Variants in SNX2 observed in about 807,000 individuals in gnomAD.
SNX2 encodes the protein sorting nexin 2, also known as sorting nexin-2.
SNX2 carries 25 observed loss-of-function variants against 69.9 expected under a neutral mutation model. The ratio of observed to expected loss-of-function variants is 0.36; its 90% confidence interval spans 0.26 to 0.50. SNX2 has a LOEUF of 0.50. SNX2 is among the 20% of genes least tolerant of loss of function. SNX2 has a pLI of 0.97. For synonymous variants in SNX2, 229 were observed against 200.4 expected, an observed-to-expected ratio of 1.14 and a Z score of -1.20; for missense variants, 551 against 613.3, an observed-to-expected ratio of 0.90 and a Z score of 1.07.
chr5:122,816,157 G>T (rs1753896827), intron 8 of SNX2, among the ~76,000 whole-genome samples, 186 bp downstream of exon 8: 1 of 152,066 alleles, frequency 6.6e-6, no homozygotes, highest in Non-Finnish European at 1.5e-5. Context: ...TTTGATACTT[G>T]TAGGGTGATT....
intron 14 of SNX2, chr5:122,827,940 T>C (rs944197762): frequency 1.1e-5 from 3 of 282,418 alleles, no homozygotes; most frequent in Non-Finnish European, 2.0e-5. Flanking sequence ...TTTGTTTTCC[T>C]TGTTGGTCAG....
At chr5:122,824,309 ATTC>A (rs766221964) in intron 11 of SNX2, among the ~76,000 whole-genome samples, 8 of 152,180 alleles carry the variant, frequency 5.3e-5, no homozygotes, top group South Asian at 2.1e-4. Context: ...GCCCAAGACA[ATTC>A]TTCTTCCATT....
In SNX2 at chr5:122,801,545, C is replaced by A. The variant is rs932123540; in HGVS notation, c.391-324C>A. On this transcript the variant is annotated intron_variant, in intron 3 of 14. Transcript: ENST00000379516. ...GCTTGAACCCAGGAGGTGGAGGTTG[C>A]AGTGAGCTGAGATTGAGCCACTGCA... Among the ~76,000 whole-genome samples the A allele has an allele frequency of 3.4e-5, 5 of 148,782 alleles. No homozygotes were observed. In the Admixed American group the frequency reaches 3.4e-4, roughly 10 times the overall value.
chr5:122,825,281 TTAG>T (rs1217955070), intron 11 of SNX2, among the ~76,000 whole-genome samples: 6 of 152,100 alleles, frequency 3.9e-5, no homozygotes, highest in African/African-American at 1.4e-4. Context: ...AAGAGGATTC[TTAG>T]TGGGTTCTCC....
rs769816300 is a variant in SNX2, at chr5:122,775,190, C to G, written c.87C>G (p.Thr29=). 1 of 1,588,724 alleles carries G rather than the reference C, an allele frequency of 6.3e-7. No homozygotes were observed. The highest frequency in any genetic ancestry group is 1.3e-5 in the African/African-American group (1 of 74,782). ...EDLEDGEDLF[T]STVSTLESSP... ...TGGAGGACGGAGAGGACCTGTTCAC[C>G]AGCACTGTCTCCACCCTAGAGGTGA... The change falls in exon 1 of 15, where the codon ACC becomes ACG. Residue 29 remains threonine, a synonymous_variant. Transcript: ENST00000379516.
chr5:122,780,631 G>A (rs1043719334), intron 1 of SNX2, among the ~76,000 whole-genome samples: 7 of 148,214 alleles, frequency 4.7e-5, no homozygotes, highest in South Asian at 2.1e-4. Context: ...GTGCAGTGGC[G>A]CAACCTCAGC....
At position 122,833,746 on chromosome 5, in the gene SNX2, T is replaced by C. The variant is rs184703712; in HGVS notation, c.*4098T>C. 4.6e-5 allele frequency: 7 copies of C among 152,312 alleles called. No individual in the cohort carries two copies. The East Asian group carries it at 1.3e-3, about 29-fold the overall frequency. 9.4% of individuals were successfully genotyped at this position (152,312 alleles called of 1,614,324 possible). On this transcript the variant is annotated 3_prime_UTR_variant, in exon 15 of 15. Transcript: ENST00000379516. ...ATACAATAAAGTTTTCCAAGTTTCA[T>C]TGTACACATGAAATGAGTTTACTGT...
chr5:122,784,460 A>G (rs1397619479), intron 1 of SNX2, among the ~76,000 whole-genome samples: 4 of 151,692 alleles, frequency 2.6e-5, no homozygotes, highest in Non-Finnish European at 5.9e-5. Context: ...TATGATAATC[A>G]TATAGTTTTC....
intron 11 of SNX2, among the ~76,000 whole-genome samples, chr5:122,819,944 T>G (rs896132919): frequency 7.9e-5 from 12 of 152,302 alleles, no homozygotes; most frequent in South Asian, 4.1e-4. Flanking sequence ...GAATGGTGCT[T>G]TCTTTTATTT....
At chr5:122,823,326 A>G (rs1284244749) in intron 11 of SNX2, among the ~76,000 whole-genome samples, 3 of 146,398 alleles carry the variant, frequency 2.0e-5, no homozygotes, top group African/African-American at 5.2e-5. Flanking sequence ...AAACGAAGAA[A>G]AAGTTAATTT....
chr5:122,779,908 C>T (rs554869600), intron 1 of SNX2, among the ~76,000 whole-genome samples: 3 of 152,076 alleles, frequency 2.0e-5, no homozygotes, highest in Admixed American at 2.0e-4. Context: ...TTACAGGCCC[C>T]AGTTTGTGTT....
intron 2 of SNX2, among the ~76,000 whole-genome samples, chr5:122,797,574 C>G (rs1228539749): frequency 6.6e-6 from 1 of 152,098 alleles, no homozygotes; most frequent in African/African-American, 2.4e-5. Flanking sequence ...TTCTAGGAAA[C>G]TATAATAGGG....
chr5:122,775,435 C>T (rs994620955), intron 1 of SNX2: 2 of 1,257,104 alleles, frequency 1.6e-6, no homozygotes, highest in Non-Finnish European at 2.0e-6. Context: ...CCGACCTAAT[C>T]CTCAGAGGGG....
intron 7 of SNX2, among the ~76,000 whole-genome samples, chr5:122,815,347 G>C (rs757672406): frequency 2.0e-4 from 30 of 152,144 alleles, no homozygotes; most frequent in Non-Finnish European, 3.8e-4. Flanking sequence ...GAGGTATGGG[G>C]AAAATACTGA....
rs562773054 is a variant in SNX2, at chr5:122,831,226, T to C, written c.*1578T>C. On this transcript the variant is annotated 3_prime_UTR_variant, in exon 15 of 15. Coordinates refer to ENST00000379516, the MANE Select transcript of SNX2 (RefSeq NM_003100.4). ...TAGCATGTGTTTGCTTCTGCTTTAG[T>C]TGAAATGTTAAGCCTTCTATAGGTG... 6.6e-6 allele frequency among the ~76,000 whole-genome samples: 1 copy of C among 152,290 alleles called. No homozygotes were observed. Among genetic ancestry groups the C allele is most frequent in the South Asian group, 2.1e-4 (1 of 4,830 alleles).
intron 1 of SNX2, among the ~76,000 whole-genome samples, chr5:122,785,477 G>T (rs1432540694): frequency 7.2e-6 from 1 of 138,030 alleles, no homozygotes; most frequent in Non-Finnish European, 1.6e-5. Flanking sequence ...TAAAGTAGAA[G>T]CTTGGATCAT....
At chr5:122,809,346 A>G (rs1379291798) in intron 7 of SNX2, among the ~76,000 whole-genome samples, 1 of 152,182 alleles carries the variant, frequency 6.6e-6, no homozygotes, top group Admixed American at 6.5e-5. Flanking sequence ...TTAAAGACTA[A>G]TATATATGCT....
At chr5:122,780,576 C>CTTTT (rs57210069) in intron 1 of SNX2, among the ~76,000 whole-genome samples, 1 of 116,932 alleles carries the variant, frequency 8.6e-6, no homozygotes, top group African/African-American at 4.4e-5. Context: ...CTTTTCTTTT[C>CTTTT]TTTTTTTTTT....
intron 9 of SNX2, 67 bp from the exon 10 acceptor site, chr5:122,817,213 T>C: frequency 2.8e-6 from 4 of 1,448,418 alleles, no homozygotes; most frequent in South Asian, 1.1e-5. Context: ...TTTAGCTTGC[T>C]ATTGGTAACC....
Sources: gnomAD v4.1 joint callset for allele counts (sites outside exome capture counted in the v4.1 genomes callset) on GRCh38, gnomAD v4.1.1 for gene constraint, MANE v1.5 for transcripts, NCBI Gene and HGNC (gene_info 2026-07-23, HGNC 2026-07-21) for gene names.